Variants in HSPA12A observed in about 807,000 individuals in gnomAD.
The protein encoded by HSPA12A is heat shock protein family A (Hsp70) member 12A.
In HSPA12A, 28 loss-of-function variants were observed where a neutral mutation model predicts 69.2. The ratio of observed to expected loss-of-function variants is 0.40; its 90% CI spans 0.30 to 0.55. HSPA12A has a LOEUF of 0.55. HSPA12A is among the 20% of genes least tolerant of loss of function. The pLI, the probability that HSPA12A is intolerant of heterozygous loss-of-function variation, is 0.38. For synonymous variants in HSPA12A, 345 were observed against 370.5 expected, an observed-to-expected ratio of 0.93 and a Z score of 0.79; for missense variants, 686 against 900.7, an observed-to-expected ratio of 0.76 and a Z score of 3.05.
rs1413983943 is a variant in HSPA12A, at chr10:116,676,666, T to C, written c.1287-164A>G. 2.0e-5 allele frequency among the ~76,000 whole-genome samples: 3 copies of C among 152,218 alleles called. No homozygotes were observed. In the East Asian group the frequency reaches 5.8e-4, roughly 29 times the overall value. ...TTGGAAACCCTAAACTGCCAGGACC[T>C]GGACCCTTAGAAGCTCAAAAGCTAA... On this transcript the variant is annotated intron_variant, in intron 10 of 11. Transcript: ENST00000369209.
intron 1 of HSPA12A, among the ~76,000 whole-genome samples, chr10:116,847,823 C>T (rs1042879091): frequency 2.0e-5 from 3 of 152,100 alleles, no homozygotes; most frequent in Non-Finnish European, 4.4e-5. Flanking sequence ...CATGGTGGTC[C>T]CAGCCCAGGA....
In HSPA12A at chr10:116,697,533, G is replaced by A. The variant is rs140330065; in HGVS notation, c.546+1102C>T. Among the ~76,000 whole-genome samples the A allele has an allele frequency of 4.7e-3, 714 of 152,254 alleles. 7 individuals carry two copies. Among genetic ancestry groups the A allele is most frequent in the African/African-American group, 0.016 (679 of 41,548 alleles). ...TAGACCAAGCTCCAAGGAGGGCACT[G>A]CATGTCCAGTCCCATTTTCTATCAA... On this transcript the variant is annotated intron_variant, in intron 5 of 11. Coordinates refer to ENST00000369209, the MANE Select transcript of HSPA12A (RefSeq NM_025015.3).
chr10:116,808,474 T>C (rs968037312), intron 2 of HSPA12A, among the ~76,000 whole-genome samples: 1 of 152,114 alleles, frequency 6.6e-6, no homozygotes. Context: ...TGGATTAACA[T>C]GGTATGAGGC....
At chr10:116,772,283 G>A (rs781851124) in intron 2 of HSPA12A, among the ~76,000 whole-genome samples, 1 of 152,124 alleles carries the variant, frequency 6.6e-6, no homozygotes, top group African/African-American at 2.4e-5. Context: ...CCTGTGTACA[G>A]GTGAAGAGAG....
chr10:116,808,843 A>C (rs1197295075), intron 2 of HSPA12A, among the ~76,000 whole-genome samples: 19 of 152,046 alleles, frequency 1.2e-4, no homozygotes, highest in Non-Finnish European at 2.9e-5. Flanking sequence ...AGGGCCCCGC[A>C]CCGCCGTTCC....
chr10:116,691,920 C>G (rs1355140972), intron 6 of HSPA12A, among the ~76,000 whole-genome samples: 1 of 152,244 alleles, frequency 6.6e-6, no homozygotes, highest in African/African-American at 2.4e-5. Context: ...CCACACCAAG[C>G]TGAAAATGCC....
intron 6 of HSPA12A, among the ~76,000 whole-genome samples, chr10:116,690,720 C>A (rs2132936536): frequency 6.6e-6 from 1 of 152,238 alleles, no homozygotes; most frequent in African/African-American, 2.4e-5. Flanking sequence ...TGTGAGGGCC[C>A]CACACCTCTT....
At chr10:116,794,626 A>G (rs1483570260) in intron 2 of HSPA12A, among the ~76,000 whole-genome samples, 1 of 152,210 alleles carries the variant, frequency 6.6e-6, no homozygotes, top group Non-Finnish European at 1.5e-5. Flanking sequence ...CAGCCTGGCC[A>G]ACATACTGAA....
chr10:116,765,998 G>A (rs1344483079), intron 2 of HSPA12A, among the ~76,000 whole-genome samples: 2 of 152,138 alleles, frequency 1.3e-5, no homozygotes, highest in African/African-American at 4.8e-5. Flanking sequence ...TCCAACGCAC[G>A]GATGAGCCAC....
exon 1 of HSPA12A, chr10:116,849,609 G>C: frequency 6.5e-7 from 1 of 1,549,954 alleles, no homozygotes; most frequent in Non-Finnish European, 8.7e-7. Context: ...GACCACTAGG[G>C]AGCTGCAGAA....
At chr10:116,681,942 A>G (rs1252679633) in intron 7 of HSPA12A, 65 bp from the exon 8 acceptor site, 2 of 1,452,788 alleles carry the variant, frequency 1.4e-6, no homozygotes, top group Admixed American at 3.4e-5. Context: ...GATCATTTGC[A>G]GTCAGTGAAG....
At chr10:116,765,485 G>A (rs1844055963) in intron 2 of HSPA12A, among the ~76,000 whole-genome samples, 2 of 151,796 alleles carry the variant, frequency 1.3e-5, no homozygotes, top group Non-Finnish European at 2.9e-5. Flanking sequence ...AGGAATAATG[G>A]TAGTAATTTA....
intron 2 of HSPA12A, among the ~76,000 whole-genome samples, chr10:116,816,762 T>A (rs544890104): frequency 8.5e-5 from 13 of 152,296 alleles, no homozygotes; most frequent in African/African-American, 3.1e-4. Flanking sequence ...TACCAGAGGG[T>A]TAAAATTGCC....
rs1554877644 is a variant in HSPA12A, at chr10:116,675,867, A to G, written c.1391-449T>C. ...TGAAAGAGGTCCTGGTGAGTTTGCT[A>G]TGTGTCCCTGGGTACTGCCACCAAT... On this transcript the variant is annotated intron_variant, in intron 11 of 11. Transcript: ENST00000369209. This position sits in a 1 kb window ranked among gnomAD's most constrained non-coding sequence, Gnocchi z 5.2. Among the ~76,000 whole-genome samples, 2 of 152,168 alleles carry G rather than the reference A, an allele frequency of 1.3e-5. No homozygotes were observed.
At position 116,686,257 on chromosome 10, in the gene HSPA12A, G is replaced by A. The variant is rs1849573419; in HGVS notation, c.664-2295C>T. Reference sequence around the variant, plus strand: ...AACCTCTGAGCCTGGATCCCAAGGGGTCGGGAGGAAGAAATCCCAAATAAG... The same window carrying A: ...AACCTCTGAGCCTGGATCCCAAGGGATCGGGAGGAAGAAATCCCAAATAAG... On this transcript the variant is annotated intron_variant, in intron 6 of 11. Coordinates refer to ENST00000369209, the MANE Select transcript of HSPA12A (RefSeq NM_025015.3). This position sits in a 1 kb window ranked among gnomAD's most constrained non-coding sequence, Gnocchi z 4.1. 6.6e-6 allele frequency among the ~76,000 whole-genome samples: 1 copy of A among 152,178 alleles called. No homozygotes were observed. Among genetic ancestry groups the A allele is most frequent in the African/African-American group, 2.4e-5 (1 of 41,430 alleles).
At chr10:116,837,243 A>G (rs1256964983) in intron 1 of HSPA12A, among the ~76,000 whole-genome samples, 1 of 152,188 alleles carries the variant, frequency 6.6e-6, no homozygotes, top group Admixed American at 6.5e-5. Flanking sequence ...TGATGGTTTC[A>G]TTTTCCTCCG....
chr10:116,725,933 T>C (rs1300359804), intron 1 of HSPA12A, among the ~76,000 whole-genome samples: 1 of 152,008 alleles, frequency 6.6e-6, no homozygotes, highest in African/African-American at 2.4e-5. Flanking sequence ...TCTACCGGCA[T>C]AGGACTCCGT....
At chr10:116,835,997 CGGCTCATCATGATGG>C (rs1435166334) in intron 1 of HSPA12A, among the ~76,000 whole-genome samples, 2 of 152,088 alleles carry the variant, frequency 1.3e-5, no homozygotes, top group Admixed American at 1.3e-4. Context: ...AAAGAGAAAA[CGGCTCATCATGATGG>C]GGCATTTAGT....
chr10:116,701,259 G>A lies in HSPA12A; in HGVS notation c.255-130C>T, dbSNP rs1005584511. The A allele has an allele frequency of 1.4e-5, 11 of 788,790 alleles. No individual in the cohort carries two copies. The Admixed American group carries it at 2.6e-4, about 19-fold the overall frequency. The allele number at this position is 788,790 out of a possible 1,614,324, so 48.9% of individuals were successfully genotyped here. On this transcript the variant is annotated intron_variant, in intron 3 of 11. Transcript: ENST00000369209. ...TGCCCAGAGGCACTCTGCTTCAGCT[G>A]GATGAGCAGCTACTAGAGACACAAC...
Sources: gnomAD v4.1 joint callset for allele counts (sites outside exome capture counted in the v4.1 genomes callset) on GRCh38, gnomAD v4.1.1 for gene constraint, Gnocchi (gnomAD v3.1) non-coding constraint, MANE v1.5 for transcripts, NCBI Gene and HGNC (gene_info 2026-07-23, HGNC 2026-07-21) for gene names.